The following PACRG variants were observed in gnomAD, a reference collection of about 807,000 sequenced individuals.
The protein encoded by PACRG is parkin coregulated gene protein.
In PACRG, 29 loss-of-function variants were observed where a neutral mutation model predicts 29.7. That is an observed-to-expected ratio of 0.98 (90% CI 0.73 to 1.33). PACRG has a LOEUF of 1.33. PACRG is among the 40% of genes most tolerant of loss of function. PACRG has a pLI of 0.00. For missense variants in PACRG, 279 were observed against 316.2 expected (o/e 0.88, Z 0.89); for synonymous variants, 116 against 118.7 (o/e 0.98, Z 0.15).
chr6:163,013,868 T>C (rs7746358), intron 2 of PACRG, among the ~76,000 whole-genome samples: 54,219 of 151,678 alleles, frequency 0.36, 10,406 homozygotes, highest in East Asian at 0.68. Context: ...TGAGGTTTTT[T>C]TTTTTTTTTA....
chr6:163,122,503 TGTTCCCACAAGA>T (rs1211948124), intron 4 of PACRG, among the ~76,000 whole-genome samples: 3 of 152,200 alleles, frequency 2.0e-5, no homozygotes, highest in African/African-American at 7.2e-5. Flanking sequence ...CTCACCCTGC[TGTTCCCACAAGA>T]GCTGTTTGTT....
intron 2 of PACRG, among the ~76,000 whole-genome samples, chr6:162,913,352 A>T (rs999601786): frequency 6.6e-6 from 1 of 152,176 alleles, no homozygotes; most frequent in African/African-American, 2.4e-5. Context: ...TACTAAGCGT[A>T]TGCCTTTGAT....
At chr6:163,214,113 G>A (rs528825924) in intron 4 of PACRG, among the ~76,000 whole-genome samples, 15 of 152,184 alleles carry the variant, frequency 9.9e-5, no homozygotes, top group African/African-American at 2.9e-4. Context: ...CAATAGAACC[G>A]TCTACAATGA....
At chr6:163,228,612 C>T (rs901435520) in intron 4 of PACRG, among the ~76,000 whole-genome samples, 1 of 152,060 alleles carries the variant, frequency 6.6e-6, no homozygotes, top group Non-Finnish European at 1.5e-5. Flanking sequence ...AGTACAGTCA[C>T]TTTTTTAAAA....
chr6:162,969,254 C>T (rs1220642964), intron 2 of PACRG, among the ~76,000 whole-genome samples: 4 of 152,044 alleles, frequency 2.6e-5, no homozygotes, highest in East Asian at 3.9e-4. Flanking sequence ...AGACAGAAAA[C>T]CGAGAGTTAC....
At chr6:162,795,209 A>G (rs1785274307) in intron 1 of PACRG, among the ~76,000 whole-genome samples, 1 of 151,904 alleles carries the variant, frequency 6.6e-6, no homozygotes, top group Non-Finnish European at 1.5e-5. Context: ...TGTGGTGAAA[A>G]TAGATGAGGA....
At chr6:162,977,802 C>T (rs895206680) in intron 2 of PACRG, among the ~76,000 whole-genome samples, 1 of 152,232 alleles carries the variant, frequency 6.6e-6, no homozygotes. Flanking sequence ...CACCCCAAAA[C>T]TACCTTATTT....
At chr6:162,976,657 C>T (rs1339663978) in intron 2 of PACRG, among the ~76,000 whole-genome samples, 1 of 152,070 alleles carries the variant, frequency 6.6e-6, no homozygotes, top group Admixed American at 6.5e-5. Flanking sequence ...GGTACATATG[C>T]CTGGTTTCAT....
chr6:163,188,783 T>C (rs1237577075), intron 4 of PACRG, among the ~76,000 whole-genome samples: 1 of 152,226 alleles, frequency 6.6e-6, no homozygotes, highest in East Asian at 1.9e-4. Flanking sequence ...GTGTTTGAGA[T>C]CTGAAAAACT....
intron 4 of PACRG, among the ~76,000 whole-genome samples, chr6:163,285,357 C>G (rs918645987): frequency 6.6e-6 from 1 of 152,120 alleles, no homozygotes; most frequent in Admixed American, 6.5e-5. Flanking sequence ...TCGGGCAGCA[C>G]CCCCACCCCG....
At chr6:163,283,370 A>G (rs1307839962) in intron 4 of PACRG, among the ~76,000 whole-genome samples, 1 of 152,254 alleles carries the variant, frequency 6.6e-6, no homozygotes, top group African/African-American at 2.4e-5. Flanking sequence ...GCAATTATAT[A>G]TCCAAAAAGA....
intron 2 of PACRG, among the ~76,000 whole-genome samples, chr6:162,987,548 C>A (rs2128180232): frequency 6.6e-6 from 1 of 152,284 alleles, no homozygotes; most frequent in East Asian, 1.9e-4. Flanking sequence ...TTCTAAAGGG[C>A]AATTTCCCTA....
At chr6:162,963,630 A>G (rs1027087725) in intron 2 of PACRG, among the ~76,000 whole-genome samples, 8 of 150,970 alleles carry the variant, frequency 5.3e-5, no homozygotes, top group African/African-American at 1.7e-4. Context: ...CATAAAAAGT[A>G]TAAATTTATA....
intron 2 of PACRG, among the ~76,000 whole-genome samples, chr6:162,913,334 G>A (rs1266168379): frequency 1.3e-5 from 2 of 152,128 alleles, no homozygotes; most frequent in African/African-American, 4.8e-5. Flanking sequence ...GACGTATGTG[G>A]CTGCTGTTAC....
chr6:163,196,874 CAGGT>C (rs1272199817), intron 4 of PACRG, among the ~76,000 whole-genome samples: 1 of 150,944 alleles, frequency 6.6e-6, no homozygotes, highest in Non-Finnish European at 1.5e-5. Flanking sequence ...GACAAATAGA[CAGGT>C]AGATAGATGG....
At position 163,159,392 on chromosome 6, in the gene PACRG, T is replaced by C. The variant is rs905537039; in HGVS notation, c.613+69984T>C. ...AAATTTATTGTTATATTAGTTCTTA[T>C]TTTTAGCTAAAATGAAGTAAATTCA... On this transcript the variant is annotated intron_variant, in intron 4 of 4. Coordinates refer to ENST00000366888, the MANE Select transcript of PACRG (RefSeq NM_001080379.2). 2.6e-4 allele frequency among the ~76,000 whole-genome samples: 40 copies of C among 151,080 alleles called. 1 individual carries two copies. The highest frequency in any genetic ancestry group is 4.4e-5 in the Non-Finnish European group (3 of 67,832).
At chr6:163,093,618 G>A (rs970742259) in intron 4 of PACRG, among the ~76,000 whole-genome samples, 2 of 152,100 alleles carry the variant, frequency 1.3e-5, no homozygotes, top group Admixed American at 1.3e-4. Context: ...ACCATATTTT[G>A]GTTCATTTCT....
At chr6:163,184,118 A>G (rs1779802617) in intron 4 of PACRG, among the ~76,000 whole-genome samples, 1 of 152,230 alleles carries the variant, frequency 6.6e-6, no homozygotes, top group African/African-American at 2.4e-5. Context: ...GAATCTCCTC[A>G]CCATCCTTTT....
At chr6:163,253,083 G>A (rs1237679599) in intron 4 of PACRG, among the ~76,000 whole-genome samples, 2 of 151,092 alleles carry the variant, frequency 1.3e-5, no homozygotes, top group African/African-American at 4.9e-5. Context: ...GATCACTTGA[G>A]GCCAGGAGGT....
Sources: allele counts gnomAD v4.1 joint callset (sites outside exome capture counted in the v4.1 genomes callset), GRCh38; gene constraint gnomAD v4.1.1; transcripts MANE v1.5; gene names NCBI Gene and HGNC (gene_info 2026-07-23, HGNC 2026-07-21).